Variants in SPRED1 observed in about 807,000 individuals in gnomAD.
SPRED1 encodes the protein sprouty related EVH1 domain containing 1.
A neutral mutation model predicts 52.3 loss-of-function variants in SPRED1; 18 were observed. That is an observed-to-expected ratio of 0.34 (90% confidence interval 0.24 to 0.51). The LOEUF is 0.51. Among genes scored for constraint, SPRED1 ranks in the 20% least tolerant of loss-of-function variants. The probability of loss-of-function intolerance (pLI) is 0.97; values close to 1 mark genes in which losing one functional copy is unlikely to be tolerated. For synonymous variants in SPRED1, 155 were observed against 179.7 expected (o/e 0.86, Z 1.10); for missense variants, 485 against 551.0 (o/e 0.88, Z 1.20).
chr15:38,340,199 G>A (rs1896001387), intron 5 of SPRED1, among the ~76,000 whole-genome samples: 1 of 152,144 alleles, frequency 6.6e-6, no homozygotes, highest in Non-Finnish European at 1.5e-5. Context: ...ATTATGATGT[G>A]TTTACTATAT....
chr15:38,302,739 C>T (rs1343589497), intron 2 of SPRED1, among the ~76,000 whole-genome samples: 1 of 152,072 alleles, frequency 6.6e-6, no homozygotes, highest in African/African-American at 2.4e-5. Flanking sequence ...GGCTTTCATG[C>T]TTTATGGATG....
intron 1 of SPRED1, among the ~76,000 whole-genome samples, chr15:38,283,095 G>A (rs2037521): frequency 0.83 from 125,604 of 152,172 alleles, 52,595 homozygotes; most frequent in Non-Finnish European, 0.9. Context: ...AGTGACTCAC[G>A]GTTCCACAGG....
chr15:38,348,979 A>C (rs1896197840), intron 5 of SPRED1, among the ~76,000 whole-genome samples: 1 of 152,150 alleles, frequency 6.6e-6, no homozygotes, highest in Admixed American at 6.6e-5. Context: ...AAGATTGTGC[A>C]GCCATCAGCA....
Position 38,339,621 on chromosome 15 carries a change from G to A in SPRED1, c.424-116G>A, listed in dbSNP as rs1044011965. ...TTTGGGAATTGCTATTCATAGCGAT[G>A]GTAGCGATATATACTTATTGACTTG... On this transcript the variant is annotated intron_variant, in intron 4 of 6. Transcript: ENST00000299084. The A allele has an allele frequency of 7.0e-6, 7 of 1,006,664 alleles. No homozygotes were observed. The African/African-American group carries it at 9.4e-5, about 14-fold the overall frequency. 62.4% of individuals were successfully genotyped at this position (1,006,664 alleles called of 1,614,324 possible). A position where few individuals can be genotyped will look rare whatever the true frequency, so the allele number is the denominator to read the frequency against.
intron 1 of SPRED1, among the ~76,000 whole-genome samples, chr15:38,271,494 G>A (rs1894433810): frequency 6.6e-6 from 1 of 152,170 alleles, no homozygotes; most frequent in Non-Finnish European, 1.5e-5. Context: ...CATTTATTGA[G>A]CACTTATTAT....
chr15:38,263,255 G>A (rs1421194552), intron 1 of SPRED1, among the ~76,000 whole-genome samples: 1 of 152,126 alleles, frequency 6.6e-6, no homozygotes, highest in Admixed American at 6.5e-5. Flanking sequence ...TTTTTAAATG[G>A]GAAAATAACC....
intron 1 of SPRED1, among the ~76,000 whole-genome samples, chr15:38,254,634 T>A (rs533743613): frequency 6.6e-6 from 1 of 152,298 alleles, no homozygotes; most frequent in East Asian, 1.9e-4. Context: ...AATGTGAAAT[T>A]TTAGGTTAAA....
intron 5 of SPRED1, 63 bp downstream of exon 5, chr15:38,339,958 A>C: frequency 6.3e-7 from 1 of 1,599,212 alleles, no homozygotes; most frequent in Non-Finnish European, 8.6e-7. Flanking sequence ...ATGATGTCAT[A>C]GATAAGGACG....
rs1385939888 is a variant in SPRED1, at chr15:38,355,733, AT to A, written c.*4070del. 2 of 152,238 alleles carry A rather than the reference AT, an allele frequency of 1.3e-5. No homozygotes were observed. Among genetic ancestry groups the A allele is most frequent in the Non-Finnish European group, 1.5e-5 (1 of 68,034 alleles). The allele number at this position is 152,238 out of a possible 1,614,324, so 9.4% of individuals were successfully genotyped here. On this transcript the variant is annotated 3_prime_UTR_variant, in exon 7 of 7. Transcript: ENST00000299084. ...AAGCAAGGATTCTTTACTAATTATT[AT>A]GCTCATTCTTGATTTGACTTCCATG...
chr15:38,334,840 TGTATATACA>T (rs1895877567), intron 4 of SPRED1, among the ~76,000 whole-genome samples: 1 of 152,022 alleles, frequency 6.6e-6, no homozygotes, highest in African/African-American at 2.4e-5. Flanking sequence ...TGTGTGTATC[TGTATATACA>T]GTCAATCTCT....
intron 1 of SPRED1, among the ~76,000 whole-genome samples, chr15:38,275,358 T>C (rs1894527363): frequency 6.6e-6 from 1 of 152,182 alleles, no homozygotes; most frequent in African/African-American, 2.4e-5. Flanking sequence ...TCCAGGCTCA[T>C]CTCATGCTTT....
At chr15:38,261,588 T>C (rs1244115176) in intron 1 of SPRED1, among the ~76,000 whole-genome samples, 2 of 152,214 alleles carry the variant, frequency 1.3e-5, no homozygotes, top group Non-Finnish European at 2.9e-5. Flanking sequence ...TTTAATTTAT[T>C]TTTTAGACGG....
chr15:38,322,103 A>G (rs1304823682), intron 2 of SPRED1, 138 bp from the exon 3 acceptor site: 1 of 810,080 alleles, frequency 1.2e-6, no homozygotes, highest in Non-Finnish European at 2.0e-6. Context: ...GACTTTGTGA[A>G]GTAGACCACT....
intron 1 of SPRED1, among the ~76,000 whole-genome samples, chr15:38,274,760 C>T (rs1041242945): frequency 3.3e-5 from 5 of 152,160 alleles, no homozygotes; most frequent in African/African-American, 1.2e-4. Context: ...GCTGTTCAGC[C>T]TGTCTTTTAT....
intron 1 of SPRED1, among the ~76,000 whole-genome samples, chr15:38,280,547 A>T (rs1894666089): frequency 6.6e-6 from 1 of 152,092 alleles, no homozygotes; most frequent in Admixed American, 6.5e-5. Context: ...GGAGATAATT[A>T]TAATTGAGTT....
intron 2 of SPRED1, among the ~76,000 whole-genome samples, chr15:38,300,036 C>T (rs1300216999): frequency 6.6e-5 from 10 of 152,008 alleles, no homozygotes; most frequent in African/African-American, 2.2e-4. Context: ...AAGTTTTATT[C>T]GAACATAGCC....
chr15:38,297,381 C>T (rs1895061669), intron 1 of SPRED1, among the ~76,000 whole-genome samples: 2 of 152,202 alleles, frequency 1.3e-5, no homozygotes. Flanking sequence ...TCTGCTCCCA[C>T]TGCCTCTTAA....
intron 1 of SPRED1, among the ~76,000 whole-genome samples, chr15:38,259,589 A>G (rs1595711338): frequency 6.6e-6 from 1 of 152,212 alleles, no homozygotes; most frequent in Non-Finnish European, 1.5e-5. Flanking sequence ...CCATCTGTGG[A>G]TGAATAAGTA....
At chr15:38,339,463 T>G (rs1014048366) in intron 4 of SPRED1, among the ~76,000 whole-genome samples, 4 of 152,190 alleles carry the variant, frequency 2.6e-5, no homozygotes, top group Admixed American at 6.5e-5. Flanking sequence ...AATTAGCTCT[T>G]CTACATGACA....
Sources: gnomAD v4.1 joint callset for allele counts (sites outside exome capture counted in the v4.1 genomes callset) on GRCh38, gnomAD v4.1.1 for gene constraint, MANE v1.5 for transcripts, NCBI Gene and HGNC (gene_info 2026-07-23, HGNC 2026-07-21) for gene names.